Variants in ABHD18 observed in about 807,000 individuals in gnomAD.
ABHD18 encodes abhydrolase domain containing 18, also known as cardiolipin-specific deacylase, mitochondrial.
Under a neutral mutation model 65.9 loss-of-function variants are expected in ABHD18, and 55 were observed. That is an observed-to-expected ratio of 0.84 (90% confidence interval 0.67 to 1.05). ABHD18 has a LOEUF of 1.05. Ranked by LOEUF, ABHD18 falls within the 50% of genes least tolerant of loss-of-function variation. The probability of loss-of-function intolerance (pLI) is 0.00; values close to 1 mark genes in which losing one functional copy is unlikely to be tolerated. For missense variants in ABHD18, 533 were observed against 558.5 expected (o/e 0.95, Z 0.46); for synonymous variants, 181 against 180.2 (o/e 1.00, Z -0.04).
At chr4:127,974,869 G>C (rs529145501) in intron 1 of ABHD18, among the ~76,000 whole-genome samples, 4 of 151,770 alleles carry the variant, frequency 2.6e-5, no homozygotes, top group African/African-American at 9.7e-5. Context: ...GGTGGTTGTC[G>C]CCTGTAATCC....
chr4:128,005,582 C>T (rs1579316805), intron 4 of ABHD18, among the ~76,000 whole-genome samples: 1 of 152,124 alleles, frequency 6.6e-6, no homozygotes, highest in Non-Finnish European at 1.5e-5. Context: ...CTTGCATTGG[C>T]CTCCTGAGTA....
chr4:128,014,764 C>T (rs1215181184), intron 7 of ABHD18, among the ~76,000 whole-genome samples: 1 of 150,292 alleles, frequency 6.7e-6, no homozygotes, highest in African/African-American at 2.5e-5. Flanking sequence ...CCTGTCTCTA[C>T]AAAATATACC....
chr4:127,992,541 GTATT>G (rs1751095075), intron 4 of ABHD18, among the ~76,000 whole-genome samples: 1 of 152,002 alleles, frequency 6.6e-6, no homozygotes, highest in Non-Finnish European at 1.5e-5. Flanking sequence ...GCTCGTTTAT[GTATT>G]TATTTATTTG....
chr4:127,990,744 AG>A (rs1750777754), intron 4 of ABHD18, among the ~76,000 whole-genome samples: 1 of 152,200 alleles, frequency 6.6e-6, no homozygotes, highest in Non-Finnish European at 1.5e-5. Context: ...TATCAGTTTG[AG>A]AATGTAAATA....
At chr4:127,982,172 AAAT>A (rs1451839855) in intron 1 of ABHD18, among the ~76,000 whole-genome samples, 1 of 147,954 alleles carries the variant, frequency 6.8e-6, no homozygotes, top group African/African-American at 2.7e-5. Flanking sequence ...ATCTGAGAAA[AAAT>A]AAAAAACAAT....
At chr4:127,983,807 G>A (rs908072987) in intron 2 of ABHD18, among the ~76,000 whole-genome samples, 1 of 152,204 alleles carries the variant, frequency 6.6e-6, no homozygotes, top group South Asian at 2.1e-4. Flanking sequence ...GGAGGTTGCA[G>A]TGAGCCGAGA....
At chr4:128,019,777 T>C (rs1382565647) in intron 8 of ABHD18, among the ~76,000 whole-genome samples, 1 of 152,212 alleles carries the variant, frequency 6.6e-6, no homozygotes, top group Non-Finnish European at 1.5e-5. Flanking sequence ...GTGTTTACCC[T>C]GCTGCCCAGC....
At chr4:128,024,248 T>A (rs1452946670) in intron 10 of ABHD18, among the ~76,000 whole-genome samples, 1 of 152,144 alleles carries the variant, frequency 6.6e-6, no homozygotes, top group Non-Finnish European at 1.5e-5. Context: ...GGGAAGAGGC[T>A]GAACTCATTC....
In ABHD18 at chr4:128,028,672, T is replaced by C. The variant is rs1186945169; in HGVS notation, c.999T>C (p.Asp333=). The C allele has an allele frequency of 2.5e-6, 4 of 1,613,862 alleles. No individual in the cohort carries two copies. Among genetic ancestry groups the C allele is most frequent in the Admixed American group, 1.7e-5 (1 of 59,988 alleles). The change falls in exon 11 of 13, where the codon GAT becomes GAC. Residue 333 remains aspartate, a synonymous_variant. Coordinates refer to ENST00000645843, the MANE Select transcript of ABHD18 (RefSeq NM_001358451.3). ...SATSEGLLLQ[D]TSKMKRFNQT... ...CATCAGAAGGACTCTTATTGCAAGA[T>C]ACCTCTAAGATGAAGCGCTTCAATC...
intron 11 of ABHD18, among the ~76,000 whole-genome samples, chr4:128,030,018 G>C (rs1414600999): frequency 3.3e-5 from 5 of 151,762 alleles, no homozygotes; most frequent in Non-Finnish European, 7.4e-5. Context: ...TGCTGAGTGT[G>C]GTGGCATTCA....
At chr4:128,035,128 G>A (rs534534274) in intron 12 of ABHD18, among the ~76,000 whole-genome samples, 1 of 152,110 alleles carries the variant, frequency 6.6e-6, no homozygotes, top group Admixed American at 6.6e-5. Context: ...TTTCAACGAA[G>A]CGATAAGACA....
chr4:128,011,984 C>CTT (rs747637430), intron 7 of ABHD18, among the ~76,000 whole-genome samples: 3 of 144,454 alleles, frequency 2.1e-5, no homozygotes, highest in Admixed American at 7.0e-5. Context: ...AAAACCCTTT[C>CTT]TTTTTTTTTT....
At chr4:128,032,190 C>T (rs1758312310) in intron 12 of ABHD18, among the ~76,000 whole-genome samples, 1 of 152,150 alleles carries the variant, frequency 6.6e-6, no homozygotes, top group Admixed American at 6.6e-5. Context: ...GTGCCAGATG[C>T]TAGGGCAATT....
intron 3 of ABHD18, 108 bp from the exon 4 acceptor site, chr4:127,989,613 C>CA: frequency 1.6e-6 from 1 of 642,746 alleles, no homozygotes; most frequent in South Asian, 2.6e-5. Context: ...ATAGTAGGTG[C>CA]TGAAAACATG....
At chr4:128,025,970 C>T (rs1432202394) in intron 10 of ABHD18, among the ~76,000 whole-genome samples, 2 of 151,928 alleles carry the variant, frequency 1.3e-5, no homozygotes, top group South Asian at 2.1e-4. Context: ...CTGGCCAACA[C>T]GGTGAAACCC....
intron 11 of ABHD18, 95 bp downstream of exon 11, chr4:128,028,948 C>A: frequency 9.4e-7 from 1 of 1,067,662 alleles, no homozygotes; most frequent in Non-Finnish European, 1.3e-6. Context: ...TTTATATTTT[C>A]AAGGGTATAT....
chr4:127,984,208 T>G, intron 2 of ABHD18, 131 bp from the exon 3 acceptor site: 1 of 513,906 alleles, frequency 1.9e-6, no homozygotes, highest in Non-Finnish European at 3.5e-6. Context: ...GTGATCAAAA[T>G]TAAATTTTAA....
In ABHD18 at chr4:128,017,413, T is replaced by C. The variant is rs1433400427; in HGVS notation, c.521T>C (p.Leu174Pro). ...VSDLFVMGGA[L>P]VLESAALLHW... ...GACCTTTTTGTGATGGGAGGAGCTC[T>C]TGTTTTAGAATCTGCAGCTCTCTTG... Residue 174 changes from leucine to proline, a missense_variant, in exon 8 of 13, where the codon CTT (leucine) becomes CCT (proline). Physicochemically the swap from Leu to Pro is moderately conservative, Grantham distance 98 (BLOSUM62 -3). Coordinates refer to ENST00000645843, the MANE Select transcript of ABHD18 (RefSeq NM_001358451.3). 6.2e-6 allele frequency: 10 copies of C among 1,613,744 alleles called. No individual in the cohort carries two copies. In the South Asian group the frequency reaches 1.1e-4, roughly 18 times the overall value.
At chr4:128,005,783 C>T (rs751670499) in intron 4 of ABHD18, among the ~76,000 whole-genome samples, 30 of 152,224 alleles carry the variant, frequency 2.0e-4, no homozygotes, top group Admixed American at 1.6e-3. Flanking sequence ...ATTTTAGAAG[C>T]GGGAAATGGG....
Sources: allele counts gnomAD v4.1 joint callset (sites outside exome capture counted in the v4.1 genomes callset), GRCh38; gene constraint gnomAD v4.1.1; transcripts MANE v1.5; gene names NCBI Gene and HGNC (gene_info 2026-07-23, HGNC 2026-07-21).